Variants in CDK19 observed in about 807,000 individuals in gnomAD.
CDK19 encodes cyclin dependent kinase 19.
A neutral mutation model predicts 68.3 loss-of-function variants in CDK19; 20 were observed. That is an observed-to-expected ratio of 0.29 (90% CI 0.21 to 0.43). The LOEUF (loss-of-function observed/expected upper bound fraction) is 0.43, where lower values mean the gene tolerates loss of function less well. Among genes scored for constraint, CDK19 ranks in the 20% least tolerant of loss-of-function variants. The pLI is 1.00. For synonymous variants in CDK19, 221 were observed against 222.8 expected, an observed-to-expected ratio of 0.99 and a Z score of 0.07; for missense variants, 339 against 623.5, an observed-to-expected ratio of 0.54 and a Z score of 4.86.
chr6:110,798,937 G>C (rs555255331), intron 1 of CDK19, among the ~76,000 whole-genome samples: 8 of 151,502 alleles, frequency 5.3e-5, no homozygotes, highest in Non-Finnish European at 1.0e-4. Context: ...GAGCCCAAGA[G>C]TTCAAGACCA....
chr6:110,744,655 A>G (rs1357963682), intron 2 of CDK19, among the ~76,000 whole-genome samples: 1 of 152,240 alleles, frequency 6.6e-6, no homozygotes, highest in Non-Finnish European at 1.5e-5. Context: ...GCTATGTCAG[A>G]CACTATGGTA....
intron 6 of CDK19, among the ~76,000 whole-genome samples, chr6:110,628,836 T>G (rs1043078843): frequency 2.0e-5 from 3 of 152,210 alleles, no homozygotes; most frequent in Non-Finnish European, 4.4e-5. Flanking sequence ...TGGAAACATA[T>G]TCCTTTGACG....
intron 2 of CDK19, among the ~76,000 whole-genome samples, chr6:110,671,592 C>T (rs1771015905): frequency 6.6e-6 from 1 of 152,090 alleles, no homozygotes; most frequent in South Asian, 2.1e-4. Flanking sequence ...ATAACATGAC[C>T]AAAGTCAAAT....
At chr6:110,719,834 G>C (rs1038704080) in intron 2 of CDK19, among the ~76,000 whole-genome samples, 2 of 152,068 alleles carry the variant, frequency 1.3e-5, no homozygotes. Flanking sequence ...AGGTTCAAGC[G>C]ATTCTCCTGC....
intron 2 of CDK19, among the ~76,000 whole-genome samples, chr6:110,688,692 GT>G (rs961846449): frequency 2.6e-5 from 4 of 152,198 alleles, no homozygotes; most frequent in Admixed American, 6.5e-5. Flanking sequence ...GATTTAGGGA[GT>G]GGTGAGGAAT....
At chr6:110,713,581 G>A (rs926210750) in intron 2 of CDK19, among the ~76,000 whole-genome samples, 1 of 151,264 alleles carries the variant, frequency 6.6e-6, no homozygotes, top group African/African-American at 2.4e-5. Flanking sequence ...ATTTTTTGTA[G>A]AGATGGGGTC....
chr6:110,785,817 C>T (rs1781173332), intron 1 of CDK19, among the ~76,000 whole-genome samples: 1 of 152,042 alleles, frequency 6.6e-6, no homozygotes, highest in Non-Finnish European at 1.5e-5. Context: ...CTCGTCTCTA[C>T]TAAAAATACA....
chr6:110,805,717 G>T (rs538517504), intron 1 of CDK19, among the ~76,000 whole-genome samples: 75 of 152,170 alleles, frequency 4.9e-4, no homozygotes, highest in African/African-American at 1.8e-3. Flanking sequence ...GAACTTATTT[G>T]TCTAGCATAT....
chr6:110,744,251 C>A (rs1340012697), intron 2 of CDK19, among the ~76,000 whole-genome samples: 1 of 118,202 alleles, frequency 8.5e-6, no homozygotes, highest in Non-Finnish European at 1.9e-5. Context: ...AGGTGATCCA[C>A]CCCCCCAACA....
At chr6:110,660,471 C>T (rs964606968) in intron 4 of CDK19, among the ~76,000 whole-genome samples, 1 of 152,170 alleles carries the variant, frequency 6.6e-6, no homozygotes, top group Non-Finnish European at 1.5e-5. Flanking sequence ...GTTGGTGTGA[C>T]AGCCTTTTGC....
intron 3 of CDK19, among the ~76,000 whole-genome samples, chr6:110,669,089 C>T (rs532980395): frequency 3.3e-5 from 5 of 152,212 alleles, no homozygotes; most frequent in Admixed American, 1.3e-4. Flanking sequence ...AAAGTACATA[C>T]ACTGTCCAGT....
At chr6:110,680,902 CAGG>C (rs1477370573) in intron 2 of CDK19, among the ~76,000 whole-genome samples, 1 of 152,140 alleles carries the variant, frequency 6.6e-6, no homozygotes, top group African/African-American at 2.4e-5. Flanking sequence ...GAGGCTGAGG[CAGG>C]AGAATCACTT....
chr6:110,815,195 C>T lies in CDK19; in HGVS notation c.-59G>A, dbSNP rs1783532423. On this transcript the variant is annotated 5_prime_UTR_variant, in exon 1 of 13. Transcript: ENST00000368911. The stretch of plus-strand genomic sequence containing the variant: ...GGGCCGCCGCCGCTCAGTCCCTCCT[C>T]CTCCTCCCCCCGCGACCGCCGCTCC... The T allele has an allele frequency of 3.4e-6, 5 of 1,482,322 alleles. No individual in the cohort carries two copies. Among genetic ancestry groups the T allele is most frequent in the Admixed American group, 2.2e-5 (1 of 45,252 alleles). 91.8% of individuals were successfully genotyped at this position (1,482,322 alleles called of 1,614,324 possible).
intron 2 of CDK19, among the ~76,000 whole-genome samples, chr6:110,724,908 C>T (rs1776215193): frequency 6.6e-6 from 1 of 151,980 alleles, no homozygotes. Flanking sequence ...CTAAATTATA[C>T]AGATATGGGA....
intron 8 of CDK19, among the ~76,000 whole-genome samples, chr6:110,625,453 C>G (rs1344204746): frequency 1.3e-5 from 2 of 152,018 alleles, no homozygotes; most frequent in Admixed American, 1.3e-4. Context: ...GAGTGAGCCA[C>G]TGTGCCTGGC....
intron 4 of CDK19, among the ~76,000 whole-genome samples, chr6:110,658,446 CTCTT>C (rs985618122): frequency 2.0e-5 from 3 of 152,094 alleles, no homozygotes; most frequent in Non-Finnish European, 4.4e-5. Context: ...TGTCATAATC[CTCTT>C]TAAGTAGAAT....
intron 1 of CDK19, among the ~76,000 whole-genome samples, chr6:110,798,430 G>C (rs1397653418): frequency 6.6e-6 from 1 of 151,990 alleles, no homozygotes; most frequent in Non-Finnish European, 1.5e-5. Context: ...TTTGAGACCA[G>C]CCTGGCCAAC....
At position 110,622,095 on chromosome 6, in the gene CDK19, C is replaced by T. The variant is rs1778756710; in HGVS notation, c.1103G>A (p.Gly368Asp). 1 of 1,609,292 alleles carries T rather than the reference C, an allele frequency of 6.2e-7. No homozygotes were observed. Residue 368 changes from glycine to aspartate, a missense_variant, in exon 11 of 13, where the codon GGT (glycine) becomes GAT (aspartate). By Grantham distance (94) the Gly-to-Asp change is moderately conservative. Coordinates refer to ENST00000368911, the MANE Select transcript of CDK19 (RefSeq NM_015076.5). ...ATACCGTGCAGTTTATACCTTGTCA[C>T]CTTTTTCTTCAGGATCATCTTCATT... is the stretch of plus-strand genomic sequence containing the variant. ...FLNEDDPEEK[G>D]DKNQQQQQNQ... is the part of the protein sequence containing the mutation.
intron 1 of CDK19, among the ~76,000 whole-genome samples, chr6:110,791,998 G>C (rs1400944119): frequency 6.7e-6 from 1 of 149,728 alleles, no homozygotes; most frequent in Non-Finnish European, 1.5e-5. Flanking sequence ...TTGAGACGGA[G>C]TCCCATTCTG....
Sources: gnomAD v4.1 joint callset for allele counts (sites outside exome capture counted in the v4.1 genomes callset) on GRCh38, gnomAD v4.1.1 for gene constraint, MANE v1.5 for transcripts, NCBI Gene and HGNC (gene_info 2026-07-23, HGNC 2026-07-21) for gene names.